SRRM4: variants seen among roughly 807,000 people sequenced by gnomAD.
The protein encoded by SRRM4 is serine/arginine repetitive matrix 4, also known as serine/arginine repetitive matrix protein 4.
SRRM4 carries 33 observed loss-of-function variants against 68.9 expected under a neutral mutation model. The observed-to-expected ratio is 0.48, with a 90% CI of 0.36 to 0.64. The LOEUF (loss-of-function observed/expected upper bound fraction) is 0.64. SRRM4 is among the 30% of genes least tolerant of loss of function. SRRM4 has a pLI of 0.00. For missense variants in SRRM4, 817 were observed against 827.1 expected (o/e 0.99, Z 0.15); for synonymous variants, 318 against 318.8 (o/e 1.00, Z 0.03).
At chr12:119,062,668 A>G (rs2136022269) in intron 1 of SRRM4, among the ~76,000 whole-genome samples, 1 of 152,360 alleles carries the variant, frequency 6.6e-6, no homozygotes, top group East Asian at 1.9e-4. Flanking sequence ...ACACAAACAC[A>G]CACTTTAGCC....
chr12:119,073,395 A>G (rs556704255), intron 1 of SRRM4, among the ~76,000 whole-genome samples: 1 of 148,398 alleles, frequency 6.7e-6, no homozygotes, highest in East Asian at 2.0e-4. Flanking sequence ...TGGCAAGATC[A>G]TGGCTCACTG....
chr12:119,076,011 CGATGATGATGATGGTGGT>C lies in SRRM4; in HGVS notation c.132-26220_132-26203del, dbSNP rs1242138899. Among the ~76,000 whole-genome samples, 25 of 93,626 alleles carry C rather than the reference CGATGATGATGATGGTGGT, an allele frequency of 2.7e-4. No homozygotes were observed. In the East Asian group the frequency reaches 4.4e-3, roughly 16 times the overall value. 61.4% of individuals were successfully genotyped at this position (93,626 alleles called of 152,430 possible). A position where few individuals can be genotyped will look rare whatever the true frequency, so the allele number is the denominator to read the frequency against. ...GTGCTGATGATGGTGGTGATGGTGG[CGATGATGATGATGGTGGT>C]GATGGTGATGATGATAGTGATGATG... On this transcript the variant is annotated intron_variant, in intron 1 of 12. Transcript: ENST00000267260.
At chr12:118,998,182 A>C (rs375636512) in intron 1 of SRRM4, among the ~76,000 whole-genome samples, 16 of 149,906 alleles carry the variant, frequency 1.1e-4, no homozygotes, top group Middle Eastern at 3.4e-3. Context: ...AACACCCAAG[A>C]AAAGTGTTCA....
chr12:119,032,828 C>T (rs543004603), intron 1 of SRRM4, among the ~76,000 whole-genome samples: 48 of 152,212 alleles, frequency 3.2e-4, no homozygotes, highest in African/African-American at 1.1e-3. Flanking sequence ...TTAATAGTTT[C>T]ACCAATTTTC....
At chr12:119,072,956 A>G (rs1454189011) in intron 1 of SRRM4, among the ~76,000 whole-genome samples, 1 of 152,220 alleles carries the variant, frequency 6.6e-6, no homozygotes, top group Non-Finnish European at 1.5e-5. Context: ...GGTGAATTCA[A>G]AAGTGCTCAC....
At chr12:118,991,380 G>A (rs1057424968) in intron 1 of SRRM4, among the ~76,000 whole-genome samples, 10 of 152,124 alleles carry the variant, frequency 6.6e-5, no homozygotes, top group East Asian at 1.9e-4. Context: ...CTGTTTCCTC[G>A]GGGATCCTTC....
intron 2 of SRRM4, among the ~76,000 whole-genome samples, chr12:119,103,858 G>T (rs980693248): frequency 7.9e-5 from 12 of 152,244 alleles, no homozygotes; most frequent in African/African-American, 2.9e-4. Flanking sequence ...ACAAAAATTA[G>T]CCAGGTGTGA....
At chr12:119,097,469 A>G (rs1954052872) in intron 1 of SRRM4, among the ~76,000 whole-genome samples, 1 of 152,264 alleles carries the variant, frequency 6.6e-6, no homozygotes, top group Non-Finnish European at 1.5e-5. Flanking sequence ...GCAGGAAGCT[A>G]CACGACGGTT....
At chr12:119,029,857 C>A (rs1167123187) in intron 1 of SRRM4, among the ~76,000 whole-genome samples, 1 of 152,146 alleles carries the variant, frequency 6.6e-6, no homozygotes, top group East Asian at 1.9e-4. Context: ...ACACAGTAGG[C>A]AGACAGCACC....
At chr12:119,050,273 T>A (rs538014136) in intron 1 of SRRM4, among the ~76,000 whole-genome samples, 1 of 152,348 alleles carries the variant, frequency 6.6e-6, no homozygotes, top group East Asian at 1.9e-4. Flanking sequence ...ACCTTCACCA[T>A]CTTTAACAGA....
At chr12:119,116,145 G>A (rs914281363) in intron 3 of SRRM4, among the ~76,000 whole-genome samples, 4 of 152,156 alleles carry the variant, frequency 2.6e-5, no homozygotes, top group South Asian at 2.1e-4. Flanking sequence ...CATTGAATTT[G>A]TAACCTCTCA....
intron 5 of SRRM4, among the ~76,000 whole-genome samples, chr12:119,121,707 T>C (rs1197423381): frequency 6.6e-6 from 1 of 152,140 alleles, no homozygotes; most frequent in Non-Finnish European, 1.5e-5. Flanking sequence ...CACCCATAGG[T>C]TGTGGAGAGA....
At chr12:119,003,781 A>G (rs1191760908) in intron 1 of SRRM4, among the ~76,000 whole-genome samples, 1 of 152,034 alleles carries the variant, frequency 6.6e-6, no homozygotes, top group East Asian at 2.0e-4. Flanking sequence ...TGAATGCTTT[A>G]GACCTCTTAT....
intron 1 of SRRM4, among the ~76,000 whole-genome samples, chr12:119,058,674 T>G (rs1953792006): frequency 6.6e-6 from 1 of 152,114 alleles, no homozygotes; most frequent in Non-Finnish European, 1.5e-5. Flanking sequence ...ATCAGAAATC[T>G]TTTCCCCCTC....
At chr12:119,010,319 C>G (rs560047811) in intron 1 of SRRM4, among the ~76,000 whole-genome samples, 60 of 152,348 alleles carry the variant, frequency 3.9e-4, no homozygotes, top group Non-Finnish European at 7.2e-4. Context: ...TCCCAGAGTG[C>G]TGGGAGTACA....
intron 1 of SRRM4, among the ~76,000 whole-genome samples, chr12:119,068,613 T>A (rs1042805684): frequency 3.3e-5 from 5 of 152,080 alleles, no homozygotes; most frequent in Admixed American, 2.6e-4. Flanking sequence ...TTTTAGATAT[T>A]TATCTCCCAT....
Position 119,099,993 on chromosome 12 carries a change from C to T in SRRM4, c.132-2243C>T, listed in dbSNP as rs149792938. Among the ~76,000 whole-genome samples, 436 of 152,252 alleles carry T rather than the reference C, an allele frequency of 2.9e-3. 2 individuals are homozygous for T. Among genetic ancestry groups the T allele is most frequent in the African/African-American group, 9.9e-3 (413 of 41,562 alleles). ...ATTCAAAGGGAGATAAATTAAGTTC[C>T]GTCTTTTGATCTTTTGATGACAAGA... On this transcript the variant is annotated intron_variant, in intron 1 of 12. Coordinates refer to ENST00000267260, the MANE Select transcript of SRRM4 (RefSeq NM_194286.4).
At position 119,100,489 on chromosome 12, in the gene SRRM4, CA is replaced by C. The variant is rs550298668; in HGVS notation, c.132-1736del. On this transcript the variant is annotated intron_variant, in intron 1 of 12. Transcript: ENST00000267260. ...TGGACAACACAGTGAGACTCTGCCT[CA>C]AAAAAAAAAATGTGTTACCATTCAA... 8.2e-3 allele frequency among the ~76,000 whole-genome samples: 1,173 copies of C among 143,254 alleles called. 16 individuals carry two copies. The highest frequency in any genetic ancestry group is 0.025 in the African/African-American group (969 of 39,318). The allele number at this position is 143,254 out of a possible 152,430, so 94.0% of individuals were successfully genotyped here. A position where few individuals can be genotyped will look rare whatever the true frequency, so the allele number is the denominator to read the frequency against.
rs535148124 is a variant in SRRM4, at chr12:118,982,687, T to G, written c.131+674T>G. Among the ~76,000 whole-genome samples, 181 of 141,646 alleles carry G rather than the reference T, an allele frequency of 1.3e-3. 2 individuals are homozygous for G. Among genetic ancestry groups the G allele is most frequent in the Admixed American group, 2.8e-3 (41 of 14,472 alleles). 92.9% of individuals were successfully genotyped at this position (141,646 alleles called of 152,430 possible). ...TTATTTTGTTTTTTTTTGTTTTTTT[T>G]TTTTTTTTCCAAAAAGAATCTGATT... On this transcript the variant is annotated intron_variant, in intron 1 of 12. Coordinates refer to ENST00000267260, the MANE Select transcript of SRRM4 (RefSeq NM_194286.4).
Sources: allele counts gnomAD v4.1 joint callset (sites outside exome capture counted in the v4.1 genomes callset), GRCh38; gene constraint gnomAD v4.1.1; transcripts MANE v1.5; gene names NCBI Gene and HGNC (gene_info 2026-07-23, HGNC 2026-07-21).